The following CHD6 variants were observed in gnomAD, a reference collection of about 807,000 sequenced individuals.
The protein encoded by CHD6 is chromodomain helicase DNA binding protein 6, also known as ATP-dependent chromatin remodeler CHD6.
Under a neutral mutation model 276.9 loss-of-function variants are expected in CHD6, and 50 were observed. The observed-to-expected ratio is 0.18, with a 90% CI of 0.14 to 0.23. The LOEUF (loss-of-function observed/expected upper bound fraction) is 0.23, where lower values mean the gene tolerates loss of function less well. Among genes scored for constraint, CHD6 ranks in the 10% least tolerant of loss-of-function variants. The probability of loss-of-function intolerance (pLI) is 1.00; values close to 1 mark genes in which losing one functional copy is unlikely to be tolerated. For synonymous variants in CHD6, 1,173 were observed against 1,229.3 expected (o/e 0.95, Z 0.96); for missense variants, 2,564 against 3,365.8 (o/e 0.76, Z 5.89).
intron 27 of CHD6, 142 bp downstream of exon 27, chr20:41,437,132 A>G (rs2047734961): frequency 3.4e-6 from 2 of 592,176 alleles, no homozygotes; most frequent in South Asian, 5.0e-5. Flanking sequence ...TGTGTATTTT[A>G]AGTTTTTATA....
intron 2 of CHD6, among the ~76,000 whole-genome samples, chr20:41,533,894 C>A (rs575323525): frequency 1.1e-4 from 16 of 152,278 alleles, no homozygotes; most frequent in Admixed American, 9.8e-4. Context: ...AACCTTTAGC[C>A]ACTTGCAAAA....
intron 1 of CHD6, among the ~76,000 whole-genome samples, chr20:41,559,179 A>ACACACACACACACACACAG (rs1568701892): frequency 4.1e-5 from 6 of 146,444 alleles, no homozygotes; most frequent in African/African-American, 1.3e-4. Flanking sequence ...CACACACACA[A>ACACACACACACACACACAG]AGTAAACTTT....
chr20:41,491,950 G>A (rs2043566370), intron 10 of CHD6, 131 bp from the exon 11 acceptor site: 1 of 945,276 alleles, frequency 1.1e-6, no homozygotes, highest in Non-Finnish European at 1.6e-6. Flanking sequence ...TACCTTCTGA[G>A]TAACGTATAG....
At chr20:41,550,501 T>C (rs4812523) in intron 2 of CHD6, among the ~76,000 whole-genome samples, 58,334 of 151,914 alleles carry the variant, frequency 0.38, 13,927 homozygotes, top group African/African-American at 0.66. Flanking sequence ...AACCCTAAGT[T>C]ACCCTATTAT....
chr20:41,453,238 C>T (rs1318788903), intron 20 of CHD6, among the ~76,000 whole-genome samples: 3 of 152,106 alleles, frequency 2.0e-5, no homozygotes. Flanking sequence ...CCCCCAGTGA[C>T]CAAAGTGGTG....
chr20:41,536,431 G>C (rs373246719), intron 2 of CHD6, among the ~76,000 whole-genome samples: 2 of 152,144 alleles, frequency 1.3e-5, no homozygotes, highest in East Asian at 3.8e-4. Context: ...AGATAAACTG[G>C]ATCAGGTCAG....
chr20:41,579,437 CAAAA>C (rs574347177), intron 1 of CHD6, among the ~76,000 whole-genome samples: 2 of 69,970 alleles, frequency 2.9e-5, no homozygotes, highest in Admixed American at 1.6e-4. Context: ...GACTCTGTCT[CAAAA>C]AAAAAAAAAA....
intron 2 of CHD6, among the ~76,000 whole-genome samples, chr20:41,544,109 G>A (rs951778548): frequency 1.1e-4 from 16 of 152,034 alleles, no homozygotes; most frequent in South Asian, 2.1e-4. Flanking sequence ...GCGTGGTGGC[G>A]GGCGCCTGTA....
At chr20:41,565,014 C>T (rs960741002) in intron 1 of CHD6, among the ~76,000 whole-genome samples, 1 of 151,822 alleles carries the variant, frequency 6.6e-6, no homozygotes, top group Non-Finnish European at 1.5e-5. Context: ...GTGAGTCATA[C>T]CCAGGTAGAA....
chr20:41,449,933 C>G (rs188400445), intron 23 of CHD6, among the ~76,000 whole-genome samples: 14 of 152,238 alleles, frequency 9.2e-5, no homozygotes, highest in African/African-American at 3.4e-4. Flanking sequence ...TTTAAAGGTT[C>G]TTTTGATGAC....
chr20:41,483,494 A>C lies in CHD6; in HGVS notation c.2283T>G (p.Asp761Glu), dbSNP rs757330250. 1.9e-6 allele frequency: 3 copies of C among 1,612,582 alleles called. No individual in the cohort carries two copies. Among genetic ancestry groups the C allele is most frequent in the Non-Finnish European group, 2.5e-6 (3 of 1,179,498 alleles). Residue 761 changes from aspartate to glutamate, a missense_variant, in exon 16 of 37, where the codon GAT becomes GAG. This residue lies in a region of CHD6 where 457 missense variants were observed against 889.0 expected (regional missense o/e 0.51). Transcript: ENST00000373233. ...INGAEEKILE[D>E]FRKTHSPDAP... ...CATCAGGGCTGTGGGTTTTTCGGAAATCTTCTAGAATTTTCTCCTCTGCTC... is the reference window on the plus strand; with the variant it reads ...CATCAGGGCTGTGGGTTTTTCGGAACTCTTCTAGAATTTTCTCCTCTGCTC...
intron 25 of CHD6, among the ~76,000 whole-genome samples, chr20:41,444,329 C>A (rs1376889841): frequency 6.6e-6 from 1 of 152,168 alleles, no homozygotes; most frequent in Non-Finnish European, 1.5e-5. Context: ...ATTAAAAGTA[C>A]ATAAAAATAC....
intron 2 of CHD6, among the ~76,000 whole-genome samples, chr20:41,542,033 G>A (rs1281317059): frequency 1.3e-5 from 2 of 152,114 alleles, no homozygotes; most frequent in East Asian, 1.9e-4. Context: ...GGAGGAGAGA[G>A]GGAAAATAAT....
At chr20:41,511,715 T>G (rs1226995117) in intron 5 of CHD6, among the ~76,000 whole-genome samples, 1 of 152,176 alleles carries the variant, frequency 6.6e-6, no homozygotes, top group Non-Finnish European at 1.5e-5. Context: ...GATTATCCAT[T>G]TGTCATATCA....
At position 41,451,220 on chromosome 20, in the gene CHD6, G is replaced by T. The variant is rs1325122850; in HGVS notation, c.3524-115C>A. 11 of 865,174 alleles carry T rather than the reference G, an allele frequency of 1.3e-5. No homozygotes were observed. In the Admixed American group the frequency reaches 2.5e-4, roughly 19 times the overall value. 53.6% of individuals were successfully genotyped at this position (865,174 alleles called of 1,614,324 possible). On this transcript the variant is annotated intron_variant, in intron 22 of 36. Transcript: ENST00000373233. ...ACAGAGTTGGGCTGTGCTCTGGATG[G>T]CAGACCCTACTCCTTAGCCCACAGG...
chr20:41,516,521 T>TGGC (rs2044256317), intron 3 of CHD6, among the ~76,000 whole-genome samples: 1 of 152,120 alleles, frequency 6.6e-6, no homozygotes, highest in South Asian at 2.1e-4. Flanking sequence ...ATCTGAGGCA[T>TGGC]GGCGAGGTTA....
At position 41,445,737 on chromosome 20, in the gene CHD6, A is replaced by G. The variant is rs2048046659; in HGVS notation, c.3805T>C (p.Tyr1269His). 6.2e-7 allele frequency: 1 copy of G among 1,613,508 alleles called. No individual in the cohort carries two copies. Among genetic ancestry groups the G allele is most frequent in the African/African-American group, 1.3e-5 (1 of 74,914 alleles). ...ELDVPLPDID[Y>H]MEIPVDWWDA... ...CACCAGTCCACTGGGATCTCCATGT[A>G]GTCGATGTCAGGCAGAGGTACATCC... The change falls in exon 25 of 37, where the codon TAC (tyrosine) becomes CAC (histidine). Residue 1269 changes from tyrosine to histidine, a missense_variant. Transcript: ENST00000373233.
intron 2 of CHD6, among the ~76,000 whole-genome samples, chr20:41,534,381 T>TG (rs1372792562): frequency 6.6e-6 from 1 of 152,210 alleles, no homozygotes; most frequent in Admixed American, 6.5e-5. Flanking sequence ...GTTGCCCAGG[T>TG]GGCATGGTTT....
At chr20:41,545,686 C>G (rs2045026183) in intron 2 of CHD6, among the ~76,000 whole-genome samples, 1 of 152,106 alleles carries the variant, frequency 6.6e-6, no homozygotes. Context: ...TTTCTGGGAC[C>G]AATTCTTTTG....
Sources: gnomAD v4.1 joint callset for allele counts (sites outside exome capture counted in the v4.1 genomes callset) on GRCh38, gnomAD v4.1.1 for gene constraint, gnomAD v4.1.1 regional missense constraint, MANE v1.5 for transcripts, NCBI Gene and HGNC (gene_info 2026-07-23, HGNC 2026-07-21) for gene names.